The following ZMYND11 variants were observed in gnomAD, a reference collection of about 807,000 sequenced individuals.
ZMYND11 encodes zinc finger MYND domain-containing protein 11.
ZMYND11 carries 9 observed loss-of-function variants against 84.9 expected under a neutral mutation model. The observed-to-expected ratio is 0.11, with a 90% CI of 0.06 to 0.18. The LOEUF (loss-of-function observed/expected upper bound fraction) is 0.18. Ranked by LOEUF, ZMYND11 falls within the 10% of genes least tolerant of loss-of-function variation. The pLI, the probability that ZMYND11 is intolerant of heterozygous loss-of-function variation, is 1.00. For missense variants in ZMYND11, 409 were observed against 761.0 expected (o/e 0.54, Z 5.44); for synonymous variants, 250 against 244.1 (o/e 1.02, Z -0.23).
chr10:217,061 GT>G (rs1207577470), intron 3 of ZMYND11, among the ~76,000 whole-genome samples: 1 of 152,128 alleles, frequency 6.6e-6, no homozygotes, highest in Non-Finnish European at 1.5e-5. Context: ...TACTCATTAA[GT>G]AGAAAGAGTA....
intron 3 of ZMYND11, among the ~76,000 whole-genome samples, chr10:218,293 A>G (rs1310240358): frequency 1.3e-5 from 2 of 152,292 alleles, no homozygotes; most frequent in East Asian, 1.9e-4. Context: ...TAATTAGCAC[A>G]TTGATAGATT....
chr10:156,121 A>G (rs774075936), intron 1 of ZMYND11, among the ~76,000 whole-genome samples: 2 of 152,146 alleles, frequency 1.3e-5, no homozygotes. Flanking sequence ...GGAGGATACT[A>G]TGGGTTTCAA....
chr10:224,639 G>A (rs1029527407), intron 4 of ZMYND11, among the ~76,000 whole-genome samples: 3 of 152,100 alleles, frequency 2.0e-5, no homozygotes, highest in Admixed American at 1.3e-4. Context: ...TCCTGTGTTG[G>A]TGTGTGTGTC....
intron 2 of ZMYND11, among the ~76,000 whole-genome samples, chr10:183,878 G>C (rs1848394783): frequency 6.6e-6 from 1 of 152,052 alleles, no homozygotes; most frequent in Admixed American, 6.5e-5. Flanking sequence ...TACATATCCT[G>C]CCCCAGGCCT....
chr10:175,506 T>C (rs1846403247), intron 1 of ZMYND11, among the ~76,000 whole-genome samples: 1 of 151,956 alleles, frequency 6.6e-6, no homozygotes, highest in African/African-American at 2.4e-5. Flanking sequence ...GAGGTGGAGG[T>C]TGCAGTGAGC....
At chr10:225,931 C>G (rs1382566921) in intron 4 of ZMYND11, among the ~76,000 whole-genome samples, 1 of 152,158 alleles carries the variant, frequency 6.6e-6, no homozygotes, top group Admixed American at 6.5e-5. Context: ...TGGAAAGGGT[C>G]TCTGTGCTGT....
chr10:230,873 T>G (rs1307467320), intron 4 of ZMYND11, among the ~76,000 whole-genome samples: 1 of 152,184 alleles, frequency 6.6e-6, no homozygotes, highest in Non-Finnish European at 1.5e-5. Flanking sequence ...ATCGAACGTT[T>G]ACTGTGTGCC....
chr10:186,715 G>A (rs1938629185), intron 2 of ZMYND11, among the ~76,000 whole-genome samples: 1 of 148,266 alleles, frequency 6.7e-6, no homozygotes, highest in Admixed American at 6.7e-5. Flanking sequence ...CCATTTGAAG[G>A]ATTTAAGTCT....
rs1953608369 is a variant in ZMYND11 at position 252,051 on chromosome 10, A to G, written c.1687-297A>G. On this transcript the variant is annotated intron_variant, in intron 14 of 14. Coordinates refer to ENST00000381604, the MANE Select transcript of ZMYND11 (RefSeq NM_001370100.5). The surrounding 1 kb of genome is among the most constrained non-coding windows in gnomAD (Gnocchi z 4.6). The stretch of plus-strand genomic sequence containing the variant: ...AAATGCAAGTGGTAGCTGGAAAGGG[A>G]TGTGAAGTCAAGAGCATTTTAAGAA... 6.6e-6 allele frequency among the ~76,000 whole-genome samples: 1 copy of G among 152,098 alleles called. No individual in the cohort carries two copies. The highest frequency in any genetic ancestry group is 1.5e-5 in the Non-Finnish European group (1 of 68,026).
rs1216461942 is a variant in ZMYND11 at position 253,489 on chromosome 10, A to C, written c.*1019A>C. 2 of 152,660 alleles carry C rather than the reference A, an allele frequency of 1.3e-5. No homozygotes were observed. Among genetic ancestry groups the C allele is most frequent in the Non-Finnish European group, 2.9e-5 (2 of 68,042 alleles). The allele number at this position is 152,660 out of a possible 1,614,324, so 9.5% of individuals were successfully genotyped here. On this transcript the variant is annotated 3_prime_UTR_variant, in exon 15 of 15. Transcript: ENST00000381604. Reference sequence around the variant, plus strand: ...CATCACTGTACACAGAATGAAGAATAATGCATGTTAATTTTCTTGTATTAA... The same window carrying C: ...CATCACTGTACACAGAATGAAGAATCATGCATGTTAATTTTCTTGTATTAA...
chr10:248,503 C>T lies in ZMYND11; in HGVS notation c.1395C>T (p.Ser465=), dbSNP rs1200493599. The T allele has an allele frequency of 2.5e-6, 4 of 1,614,138 alleles. No homozygotes were observed. The highest frequency in any genetic ancestry group is 2.2e-5 in the South Asian group (2 of 91,070). The change falls in exon 13 of 15, where the codon AGC becomes AGT. Residue 465 remains serine (S), a synonymous_variant. Coordinates refer to ENST00000381604, the MANE Select transcript of ZMYND11 (RefSeq NM_001370100.5). ...CCACAAACGACGGCGTGTGTCAGAG[C>T]ATGTGCCATGACAAATACACCAAGA... ...TQTTNDGVCQ[S]MCHDKYTKIF...
rs138787878 is a variant in ZMYND11, at chr10:166,373, T to C, written c.-19-13621T>C. ...TGATACTGGATTGGTATCTAGAATATATAAAGAACACCTACAACTCAACAG... is the reference window on the plus strand; with the variant it reads ...TGATACTGGATTGGTATCTAGAATACATAAAGAACACCTACAACTCAACAG... On this transcript the variant is annotated intron_variant, in intron 1 of 14. Coordinates refer to ENST00000381604, the MANE Select transcript of ZMYND11 (RefSeq NM_001370100.5). Among the ~76,000 whole-genome samples, 24 of 152,200 alleles carry C rather than the reference T, an allele frequency of 1.6e-4. 1 individual carries two copies. The East Asian group carries it at 4.6e-3, about 29-fold the overall frequency.
chr10:194,971 C>T (rs955990144), intron 2 of ZMYND11, among the ~76,000 whole-genome samples: 6 of 152,140 alleles, frequency 3.9e-5, no homozygotes, highest in African/African-American at 1.4e-4. Context: ...AACATGATAT[C>T]CACATTTAGC....
At chr10:231,768 TTC>T (rs1422718164) in intron 4 of ZMYND11, among the ~76,000 whole-genome samples, 9 of 152,318 alleles carry the variant, frequency 5.9e-5, no homozygotes, top group Middle Eastern at 3.4e-3. Flanking sequence ...TGTTCAAATT[TTC>T]TGTTATTTTT....
At chr10:135,015 G>C (rs1407604713), upstream of ZMYND11, 2 of 148,946 alleles carry the variant, frequency 1.3e-5, no homozygotes, top group Admixed American at 1.3e-4. The surrounding 1 kb of genome is among the most constrained non-coding windows in gnomAD (Gnocchi z 5.6). Flanking sequence ...GGGGCGCCTC[G>C]ACCCGACACA....
chr10:248,469 G>A lies in ZMYND11; in HGVS notation c.1361G>A (p.Ser454Asn). 6.2e-7 allele frequency: 1 copy of A among 1,614,204 alleles called. No individual in the cohort carries two copies. The highest frequency in any genetic ancestry group is 8.5e-7 in the Non-Finnish European group (1 of 1,180,038). The part of the protein sequence containing the change: ...SASSPRMLHR[S>N]TQTTNDGVCQ... Reference sequence around the variant, plus strand: ...TCTTCACCAAGAATGCTGCATCGGAGCACCCAGACCACAAACGACGGCGTG... The same window carrying A: ...TCTTCACCAAGAATGCTGCATCGGAACACCCAGACCACAAACGACGGCGTG... Residue 454 changes from serine (S) to asparagine (N), a missense_variant, in exon 13 of 15, where the codon AGC becomes AAC. Ser to Asn is a conservative substitution (Grantham distance 46). Around this residue, in one of 7 missense-constraint regions of ZMYND11, gnomAD observed 141 missense variants for 173.8 expected, o/e 0.81. Coordinates refer to ENST00000381604, the MANE Select transcript of ZMYND11 (RefSeq NM_001370100.5).
In ZMYND11 at chr10:247,513, A is replaced by G. The variant is rs373525215; in HGVS notation, c.1227+47A>G. On this transcript the variant is annotated intron_variant, in intron 12 of 14. Transcript: ENST00000381604. Reference sequence around the variant, plus strand: ...ATCCAGGTGGCAAATGAAACAGGAAATATTTTCAAAGTATTTTGTATTTTC... The same window carrying G: ...ATCCAGGTGGCAAATGAAACAGGAAGTATTTTCAAAGTATTTTGTATTTTC... The G allele has an allele frequency of 7.6e-6, 12 of 1,574,550 alleles. No individual in the cohort carries two copies. In the Admixed American group the frequency reaches 1.9e-4, roughly 24 times the overall value.
At chr10:173,307 A>G (rs1554766136) in intron 1 of ZMYND11, among the ~76,000 whole-genome samples, 1 of 152,220 alleles carries the variant, frequency 6.6e-6, no homozygotes, top group Non-Finnish European at 1.5e-5. Flanking sequence ...AAAATTTAAT[A>G]CTTTTGTTCT....
rs17157925 is a variant in ZMYND11, at chr10:236,211, C to G, written c.439-627C>G. ...AAATAGGCACACTTGTCCTTGTTTC[C>G]TAGCTGTTTAGAAATAACATGCGTA... On this transcript the variant is annotated intron_variant, in intron 4 of 14. Transcript: ENST00000381604. Among the ~76,000 whole-genome samples the G allele has an allele frequency of 5.6e-4, 85 of 152,290 alleles. No homozygotes were observed. The East Asian group carries it at 0.015, about 28-fold the overall frequency.
Sources: gnomAD v4.1 joint callset for allele counts (sites outside exome capture counted in the v4.1 genomes callset) on GRCh38, gnomAD v4.1.1 for gene constraint, gnomAD v4.1.1 regional missense constraint, Gnocchi (gnomAD v3.1) non-coding constraint, MANE v1.5 for transcripts, NCBI Gene and HGNC (gene_info 2026-07-23, HGNC 2026-07-21) for gene names.